Variants in ALDH9A1 observed in about 807,000 individuals in gnomAD.
ALDH9A1 encodes 4-trimethylaminobutyraldehyde dehydrogenase.
ALDH9A1 carries 42 observed loss-of-function variants against 56.6 expected under a neutral mutation model. The ratio of observed to expected loss-of-function variants is 0.74; its 90% confidence interval spans 0.58 to 0.96. ALDH9A1 has a LOEUF of 0.96. ALDH9A1 is among the 40% of genes least tolerant of loss of function. ALDH9A1 has a pLI of 0.00. For synonymous variants in ALDH9A1, 242 were observed against 236.0 expected, an observed-to-expected ratio of 1.03 and a Z score of -0.23; for missense variants, 661 against 651.5, an observed-to-expected ratio of 1.01 and a Z score of -0.16.
chr1:165,691,337 C>T (rs1409319664), intron 2 of ALDH9A1, among the ~76,000 whole-genome samples: 1 of 152,184 alleles, frequency 6.6e-6, no homozygotes, highest in Non-Finnish European at 1.5e-5. Flanking sequence ...GGAATAGCAT[C>T]AACATCAACA....
chr1:165,698,442 G>A lies in ALDH9A1; in HGVS notation c.117C>T (p.Arg39=). The change falls in exon 1 of 11, where the codon CGC becomes CGT. Residue 39 remains arginine (R), a synonymous_variant. Transcript: ENST00000354775. ...TFVVSQPLNY[R]GGARVEPADA... ...CCGCCGGCTCCACGCGGGCCCCGCC[G>A]CGGTAATTGAGCGGCTGCGACACGA... The A allele has an allele frequency of 6.2e-7, 1 of 1,606,278 alleles. No homozygotes were observed. Among genetic ancestry groups the A allele is most frequent in the Non-Finnish European group, 8.5e-7 (1 of 1,176,968 alleles).
intron 2 of ALDH9A1, among the ~76,000 whole-genome samples, chr1:165,694,399 G>A (rs1187327058): frequency 1.3e-5 from 2 of 151,888 alleles, no homozygotes; most frequent in Non-Finnish European, 2.9e-5. Context: ...TTGCATTGCA[G>A]GCTTTTTATG....
intron 8 of ALDH9A1, chr1:165,668,713 C>G (rs756284334): frequency 4.4e-4 from 174 of 399,996 alleles, no homozygotes; most frequent in Non-Finnish European, 6.6e-4. Context: ...TAGTTGTGGT[C>G]CTGGATAAAC....
At position 165,698,449 on chromosome 1, in the gene ALDH9A1, T is replaced by C. The variant is rs369450208; in HGVS notation, c.110A>G (p.Asn37Ser). The part of the protein sequence containing the change: ...TGTFVVSQPL[N>S]YRGGARVEPA... ...CTCCACGCGGGCCCCGCCGCGGTAATTGAGCGGCTGCGACACGACGAAGGT... is the reference window on the plus strand; with the variant it reads ...CTCCACGCGGGCCCCGCCGCGGTAACTGAGCGGCTGCGACACGACGAAGGT... Residue 37 changes from asparagine to serine, a missense_variant, in exon 1 of 11, where the codon AAT becomes AGT. Asn to Ser is a conservative substitution (Grantham distance 46, BLOSUM62 1). Transcript: ENST00000354775. The C allele has an allele frequency of 6.6e-5, 106 of 1,606,280 alleles. No individual in the cohort carries two copies. The highest frequency in any genetic ancestry group is 3.3e-4 in the Middle Eastern group (2 of 6,052).
chr1:165,672,937 C>T (rs1471416018), intron 6 of ALDH9A1, among the ~76,000 whole-genome samples: 1 of 140,446 alleles, frequency 7.1e-6, no homozygotes, highest in African/African-American at 2.7e-5. Context: ...ATCCTGTCTC[C>T]AAAAAATAAA....
At chr1:165,695,764 G>A (rs539602997) in intron 1 of ALDH9A1, among the ~76,000 whole-genome samples, 116 of 152,118 alleles carry the variant, frequency 7.6e-4, no homozygotes, top group Middle Eastern at 3.4e-3. Context: ...CCGAAGTGCC[G>A]GAATTACAGG....
At chr1:165,678,467 G>A (rs1027425279) in intron 6 of ALDH9A1, among the ~76,000 whole-genome samples, 12 of 152,188 alleles carry the variant, frequency 7.9e-5, no homozygotes, top group Non-Finnish European at 1.8e-4. Flanking sequence ...ACAAACAGGG[G>A]TGAAGGGCAA....
chr1:165,685,179 A>C (rs1453276819), intron 2 of ALDH9A1, among the ~76,000 whole-genome samples: 1 of 152,182 alleles, frequency 6.6e-6, no homozygotes, highest in Non-Finnish European at 1.5e-5. Flanking sequence ...TGTTGTTCCC[A>C]ACCCTGTTCC....
chr1:165,679,046 A>G (rs887229745), intron 6 of ALDH9A1, among the ~76,000 whole-genome samples: 4 of 152,254 alleles, frequency 2.6e-5, no homozygotes, highest in Non-Finnish European at 4.4e-5. Context: ...AATAAGGGCT[A>G]TAGATTGAGT....
intron 2 of ALDH9A1, among the ~76,000 whole-genome samples, chr1:165,684,442 T>C (rs1253145501): frequency 6.6e-6 from 1 of 152,192 alleles, no homozygotes; most frequent in Non-Finnish European, 1.5e-5. Context: ...AACAACCTTT[T>C]GACAATTAAC....
intron 9 of ALDH9A1, among the ~76,000 whole-genome samples, chr1:165,666,511 C>G (rs1480457387): frequency 6.6e-6 from 1 of 152,142 alleles, no homozygotes; most frequent in Non-Finnish European, 1.5e-5. Flanking sequence ...AAAGTAAGAG[C>G]ACTTAACCTG....
chr1:165,671,284 G>T, intron 6 of ALDH9A1: 1 of 296,344 alleles, frequency 3.4e-6, no homozygotes. Flanking sequence ...TCTGGGAAGG[G>T]TCTGTCTCAG....
chr1:165,663,908 G>A (rs945349144), intron 10 of ALDH9A1, among the ~76,000 whole-genome samples: 2 of 152,216 alleles, frequency 1.3e-5, no homozygotes, highest in African/African-American at 2.4e-5. Context: ...CTGCACGTCT[G>A]GCCATCTTTC....
chr1:165,693,090 T>C (rs1026034518), intron 2 of ALDH9A1, among the ~76,000 whole-genome samples: 1 of 152,048 alleles, frequency 6.6e-6, no homozygotes, highest in Non-Finnish European at 1.5e-5. Flanking sequence ...ACTTAAATGT[T>C]AGACCTAAAA....
intron 4 of ALDH9A1, among the ~76,000 whole-genome samples, chr1:165,681,429 C>T (rs1649547204): frequency 6.6e-6 from 1 of 152,304 alleles, no homozygotes; most frequent in South Asian, 2.1e-4. Flanking sequence ...ACTATTAAAG[C>T]TAGTGACTAT....
intron 6 of ALDH9A1, among the ~76,000 whole-genome samples, chr1:165,678,246 A>G (rs1416449261): frequency 2.7e-5 from 4 of 150,286 alleles, no homozygotes; most frequent in Middle Eastern, 3.7e-3. Flanking sequence ...AGGCGGGGGA[A>G]TCGCTTAAAC....
At position 165,680,587 on chromosome 1, in the gene ALDH9A1, A is replaced by C; in HGVS notation, c.689T>G (p.Phe230Cys). The C allele has an allele frequency of 6.2e-7, 1 of 1,614,178 alleles. No individual in the cohort carries two copies. The highest frequency in any genetic ancestry group is 1.1e-5 in the South Asian group (1 of 91,084). Residue 230 changes from phenylalanine to cysteine, a missense_variant, in exon 5 of 11, where the codon TTC becomes TGC. Coordinates refer to ENST00000354775, the MANE Select transcript of ALDH9A1 (RefSeq NM_000696.4). ...YSEAGVPPGL[F>C]NVVQGGAATG... ...GGCAGCCCCTCCCTGCACCACATTG[A>C]AGAGCCCAGGAGGTACACCAGCCTC...
At chr1:165,679,819 C>T (rs1182515263) in intron 5 of ALDH9A1, among the ~76,000 whole-genome samples, 2 of 152,108 alleles carry the variant, frequency 1.3e-5, no homozygotes, top group Non-Finnish European at 2.9e-5. Context: ...TTGTCCCAGC[C>T]TGGGCAACAT....
At chr1:165,697,956 A>C (rs191974904) in intron 1 of ALDH9A1, among the ~76,000 whole-genome samples, 9 of 152,240 alleles carry the variant, frequency 5.9e-5, no homozygotes, top group Admixed American at 3.9e-4. Context: ...TTGAGCCCGT[A>C]AGGTAGAGGG....
Sources: gnomAD v4.1 joint callset for allele counts (sites outside exome capture counted in the v4.1 genomes callset) on GRCh38, gnomAD v4.1.1 for gene constraint, MANE v1.5 for transcripts, NCBI Gene and HGNC (gene_info 2026-07-23, HGNC 2026-07-21) for gene names.